Variants in OXSR1 observed in about 807,000 individuals in gnomAD.
OXSR1 encodes serine/threonine-protein kinase OSR1.
In OXSR1, 24 loss-of-function variants were observed where a neutral mutation model predicts 79.8. The observed-to-expected ratio is 0.30, with a 90% CI of 0.22 to 0.42. OXSR1 has a LOEUF of 0.42. OXSR1 is among the 10% of genes least tolerant of loss of function. OXSR1 has a pLI of 1.00. For missense variants in OXSR1, 430 were observed against 618.4 expected, an observed-to-expected ratio of 0.70 and a Z score of 3.23; for synonymous variants, 226 against 209.2, an observed-to-expected ratio of 1.08 and a Z score of -0.69.
chr3:38,184,883 C>G lies in OXSR1; in HGVS notation c.183+1768C>G, dbSNP rs1018083798. ...TAACAAAATGATTATAATCTTAGTT[C>G]AAAAGTAGAAAGAACATTTCTTTTT... On this transcript the variant is annotated intron_variant, in intron 2 of 17. Transcript: ENST00000311806. Among the ~76,000 whole-genome samples the G allele has an allele frequency of 4.8e-5, 3 of 63,004 alleles. No individual in the cohort carries two copies. In the Admixed American group the frequency reaches 5.8e-4, roughly 12 times the overall value. The allele number at this position is 63,004 out of a possible 152,430, so 41.3% of individuals were successfully genotyped here.
Position 38,251,450 on chromosome 3 carries a change from G to A in OXSR1, c.1423G>A (p.Asp475Asn), listed in dbSNP as rs145431865. 912 of 1,613,216 alleles carry A rather than the reference G, an allele frequency of 5.7e-4. 3 individuals carry two copies. The highest frequency in any genetic ancestry group is 4.8e-3 in the Middle Eastern group (29 of 6,056). ...SQELISAGLV[D>N]GRDLVIVAAN... ...GGAACTCATTTCTGCTGGCCTGGTC[G>A]ACGGAAGGGATTTAGTAATAGGTAA... The change falls in exon 16 of 18, where the codon GAC (aspartate) becomes AAC (asparagine). Residue 475 changes from aspartate (D) to asparagine (N), a missense_variant. Around this residue, in one of 3 missense-constraint regions of OXSR1, gnomAD observed 276 missense variants for 354.2 expected, o/e 0.78. Transcript: ENST00000311806.
chr3:38,219,904 C>T (rs868809851), intron 5 of OXSR1, among the ~76,000 whole-genome samples: 12 of 152,008 alleles, frequency 7.9e-5, no homozygotes, highest in Middle Eastern at 3.2e-3. Context: ...AACTCGTAGG[C>T]TCAAGCAGTC....
rs112035003 is a variant in OXSR1, at chr3:38,244,637, CTG to C, written c.1111-1409_1111-1408del. Among the ~76,000 whole-genome samples, 299 of 99,498 alleles carry C rather than the reference CTG, an allele frequency of 3.0e-3. 1 individual carries two copies. The highest frequency in any genetic ancestry group is 8.6e-3 in the African/African-American group (272 of 31,572). 65.3% of individuals were successfully genotyped at this position (99,498 alleles called of 152,430 possible). Reference sequence around the variant, plus strand: ...CTTTTTAAGGGTCAGTAATATTCCTCTGTGTGTGTGTGTGTGTGTGTGTGTGT... The same window carrying C: ...CTTTTTAAGGGTCAGTAATATTCCTCTGTGTGTGTGTGTGTGTGTGTGTGT... On this transcript the variant is annotated intron_variant, in intron 12 of 17. Transcript: ENST00000311806.
chr3:38,238,030 T>C (rs1264435066), intron 11 of OXSR1, among the ~76,000 whole-genome samples: 1 of 152,178 alleles, frequency 6.6e-6, no homozygotes, highest in Admixed American at 6.6e-5. Flanking sequence ...AGAGATACAT[T>C]ATAGCTTTTC....
chr3:38,213,730 A>G (rs1486621081), intron 4 of OXSR1, among the ~76,000 whole-genome samples: 1 of 152,186 alleles, frequency 6.6e-6, no homozygotes, highest in South Asian at 2.1e-4. Context: ...ATAAACTATT[A>G]AGTCTTCTTC....
intron 12 of OXSR1, among the ~76,000 whole-genome samples, chr3:38,244,438 A>C (rs1397681623): frequency 6.6e-6 from 1 of 152,090 alleles, no homozygotes; most frequent in Non-Finnish European, 1.5e-5. Flanking sequence ...CAGTAACTGC[A>C]TTCTCCCCAG....
At chr3:38,219,886 C>T (rs1006040524) in intron 5 of OXSR1, among the ~76,000 whole-genome samples, 1 of 152,100 alleles carries the variant, frequency 6.6e-6, no homozygotes, top group Admixed American at 6.5e-5. Context: ...TAGTTCACTG[C>T]AGCCTCAAAC....
chr3:38,242,246 A>G (rs1703050709), intron 11 of OXSR1, among the ~76,000 whole-genome samples: 1 of 152,106 alleles, frequency 6.6e-6, no homozygotes, highest in Non-Finnish European at 1.5e-5. Context: ...AGATTCCCAA[A>G]TATCCAACAC....
chr3:38,224,519 T>C, intron 7 of OXSR1, 52 bp from the exon 8 acceptor site: 4 of 1,467,316 alleles, frequency 2.7e-6, no homozygotes, highest in East Asian at 2.5e-5. Context: ...ACCACAATAG[T>C]TAAACTTTAC....
chr3:38,252,802 T>C lies in OXSR1; in HGVS notation c.1510-15T>C. On this transcript the variant is annotated splice_polypyrimidine_tract_variant and intron_variant, in intron 17 of 17. Transcript: ENST00000311806. ...TTATAAATAATCACAGTTTCTCATT[T>C]TGTTTGGTTCTTAGGCATCTGGTGT... 1 of 1,601,840 alleles carries C rather than the reference T, an allele frequency of 6.2e-7. No individual in the cohort carries two copies. Among genetic ancestry groups the C allele is most frequent in the African/African-American group, 1.3e-5 (1 of 74,774 alleles).
intron 8 of OXSR1, among the ~76,000 whole-genome samples, chr3:38,225,356 A>G (rs1302849951): frequency 6.6e-6 from 1 of 152,110 alleles, no homozygotes; most frequent in African/African-American, 2.4e-5. Context: ...TTCCTTCTGA[A>G]TCTTATCTGT....
chr3:38,231,632 T>G (rs1484208988), intron 10 of OXSR1, among the ~76,000 whole-genome samples: 2 of 152,188 alleles, frequency 1.3e-5, no homozygotes, highest in Non-Finnish European at 2.9e-5. Flanking sequence ...GAACAGGGAC[T>G]TTTTTTCATT....
rs34508145 is a variant in OXSR1, at chr3:38,237,838, A to C, written c.1074+877A>C. Among the ~76,000 whole-genome samples, 981 of 152,258 alleles carry C rather than the reference A, an allele frequency of 6.4e-3. 10 individuals are homozygous for C. The highest frequency in any genetic ancestry group is 0.023 in the African/African-American group (944 of 41,556). ...ATTGTGAGTTTAAGGTTTCTTTATA[A>C]ATGTGAGACTATGGCATCCTTTCTT... On this transcript the variant is annotated intron_variant, in intron 11 of 17. Coordinates refer to ENST00000311806, the MANE Select transcript of OXSR1 (RefSeq NM_005109.3).
At chr3:38,226,731 A>G (rs1362176964) in intron 8 of OXSR1, among the ~76,000 whole-genome samples, 1 of 152,010 alleles carries the variant, frequency 6.6e-6, no homozygotes, top group Non-Finnish European at 1.5e-5. Context: ...AAGATACCTG[A>G]CCAGCACTCT....
intron 1 of OXSR1, among the ~76,000 whole-genome samples, chr3:38,182,680 T>TA (rs1462056319): frequency 6.6e-6 from 1 of 152,186 alleles, no homozygotes; most frequent in Non-Finnish European, 1.5e-5. Context: ...AGAGCCCTCT[T>TA]ATGATTGTTT....
chr3:38,242,836 C>G, intron 12 of OXSR1, 58 bp downstream of exon 12: 1 of 1,054,804 alleles, frequency 9.5e-7, no homozygotes, highest in Non-Finnish European at 1.4e-6. Context: ...GTTTTGGTTT[C>G]AATTCGAAGT....
chr3:38,212,882 A>G (rs1406846250), intron 4 of OXSR1, among the ~76,000 whole-genome samples: 1 of 152,230 alleles, frequency 6.6e-6, no homozygotes, highest in Non-Finnish European at 1.5e-5. Flanking sequence ...TTTAGTTACA[A>G]ATCTTTTCCT....
In OXSR1 at chr3:38,165,802, G is replaced by T; in HGVS notation, c.-75G>T. On this transcript the variant is annotated 5_prime_UTR_variant, in exon 1 of 18. Coordinates refer to ENST00000311806, the MANE Select transcript of OXSR1 (RefSeq NM_005109.3). Reference sequence around the variant, plus strand: ...GGCGGCGGCGGCGGCGGCTGTTGGGGGTGGGGAGACGCGCGGCGAGGAGAC... The same window carrying T: ...GGCGGCGGCGGCGGCGGCTGTTGGGTGTGGGGAGACGCGCGGCGAGGAGAC... 2 of 1,317,680 alleles carry T rather than the reference G, an allele frequency of 1.5e-6. No homozygotes were observed. The highest frequency in any genetic ancestry group is 2.1e-6 in the Non-Finnish European group (2 of 935,212). 81.6% of individuals were successfully genotyped at this position (1,317,680 alleles called of 1,614,324 possible).
intron 7 of OXSR1, 105 bp from the exon 8 acceptor site, chr3:38,224,466 T>C (rs774427301): frequency 5.1e-5 from 40 of 785,106 alleles, no homozygotes; most frequent in African/African-American, 1.5e-4. Flanking sequence ...GAAAATAAAA[T>C]GTTTGTATGT....
Sources: gnomAD v4.1 joint callset for allele counts (sites outside exome capture counted in the v4.1 genomes callset) on GRCh38, gnomAD v4.1.1 for gene constraint, gnomAD v4.1.1 regional missense constraint, MANE v1.5 for transcripts, NCBI Gene and HGNC (gene_info 2026-07-23, HGNC 2026-07-21) for gene names.